Variants in MYO5B observed in about 807,000 individuals in gnomAD.
MYO5B encodes myosin VB, also known as unconventional myosin-Vb.
MYO5B carries 143 observed loss-of-function variants against 229.3 expected under a neutral mutation model. The observed-to-expected ratio is 0.62, with a 90% CI of 0.54 to 0.72. The LOEUF (loss-of-function observed/expected upper bound fraction) is 0.72. MYO5B is among the 30% of genes least tolerant of loss of function. The pLI, the probability that MYO5B is intolerant of heterozygous loss-of-function variation, is 0.00. For missense variants in MYO5B, 2,321 were observed against 2,331.0 expected (o/e 1.00, Z 0.09); for synonymous variants, 918 against 885.2 (o/e 1.04, Z -0.66).
intron 22 of MYO5B, among the ~76,000 whole-genome samples, chr18:49,882,526 G>C (rs891189767): frequency 1.3e-5 from 2 of 148,902 alleles, no homozygotes; most frequent in African/African-American, 4.9e-5. Context: ...TACTTGGGAG[G>C]CCGAAGCAGG....
chr18:49,839,079 G>C, intron 36 of MYO5B, 65 bp downstream of exon 36: 1 of 1,598,364 alleles, frequency 6.3e-7, no homozygotes, highest in Non-Finnish European at 8.5e-7. Context: ...AGAGGGTGCT[G>C]ACCACGCCTT....
intron 1 of MYO5B, among the ~76,000 whole-genome samples, chr18:50,157,481 C>T (rs191748625): frequency 3.9e-5 from 6 of 152,238 alleles, no homozygotes; most frequent in African/African-American, 1.2e-4. Context: ...TCTAACAGTC[C>T]GATCCCTTTG....
rs188378948 is a variant in MYO5B, at chr18:50,011,124, C to T, written c.456-9713G>A. ...TTGGGAGGCCGAGGCAGGCAGATCACGAGGTCAGGAGATCGAGACCATCCT... is the reference window on the plus strand; with the variant it reads ...TTGGGAGGCCGAGGCAGGCAGATCATGAGGTCAGGAGATCGAGACCATCCT... On this transcript the variant is annotated intron_variant, in intron 4 of 39. Coordinates refer to ENST00000285039, the MANE Select transcript of MYO5B (RefSeq NM_001080467.3). Among the ~76,000 whole-genome samples the T allele has an allele frequency of 3.8e-3, 580 of 152,254 alleles. 4 individuals are homozygous for T. The highest frequency in any genetic ancestry group is 5.5e-3 in the Non-Finnish European group (376 of 68,016).
intron 14 of MYO5B, among the ~76,000 whole-genome samples, chr18:49,942,289 T>G (rs991373562): frequency 6.7e-6 from 1 of 149,976 alleles, no homozygotes; most frequent in Non-Finnish European, 1.5e-5. Context: ...AAGGACTTCA[T>G]GTCTAAAACA....
At position 50,053,857 on chromosome 18, in the gene MYO5B, G is replaced by A. The variant is rs2030470210; in HGVS notation, c.138+1411C>T. 1.3e-5 allele frequency among the ~76,000 whole-genome samples: 2 copies of A among 152,200 alleles called. 1 individual carries two copies. The highest frequency in any genetic ancestry group is 4.1e-4 in the South Asian group (2 of 4,828). Reference sequence around the variant, plus strand: ...GGATATGGTACACACTTTTAGTGCTGTTGCCATTCAGAGAGGAAACAGTAT... The same window carrying A: ...GGATATGGTACACACTTTTAGTGCTATTGCCATTCAGAGAGGAAACAGTAT... On this transcript the variant is annotated intron_variant, in intron 2 of 39. Transcript: ENST00000285039.
intron 1 of MYO5B, among the ~76,000 whole-genome samples, chr18:50,183,168 A>T (rs1462539891): frequency 2.0e-5 from 3 of 151,810 alleles, no homozygotes; most frequent in African/African-American, 7.3e-5. Flanking sequence ...TAATAAAATG[A>T]ATACCTGTGA....
At chr18:49,916,374 G>A (rs574873324) in intron 17 of MYO5B, among the ~76,000 whole-genome samples, 1 of 152,286 alleles carries the variant, frequency 6.6e-6, no homozygotes, top group East Asian at 1.9e-4. Flanking sequence ...AGTGCGACTG[G>A]GGCCAGTCCC....
At chr18:50,070,422 G>A (rs2030929178) in intron 1 of MYO5B, among the ~76,000 whole-genome samples, 1 of 151,812 alleles carries the variant, frequency 6.6e-6, no homozygotes, top group South Asian at 2.1e-4. Context: ...TCTGGGGTGG[G>A]GGACAAAACT....
intron 4 of MYO5B, among the ~76,000 whole-genome samples, chr18:50,008,904 G>T (rs1477982430): frequency 6.6e-6 from 1 of 152,100 alleles, no homozygotes; most frequent in Admixed American, 6.5e-5. Flanking sequence ...CCAAAACACA[G>T]ATCACCGACA....
intron 1 of MYO5B, among the ~76,000 whole-genome samples, chr18:50,081,225 G>T (rs1274124011): frequency 6.6e-6 from 1 of 152,162 alleles, no homozygotes; most frequent in African/African-American, 2.4e-5. Context: ...GCAGCCCTCA[G>T]AATGAATTAT....
chr18:50,067,241 CTG>C (rs761426726), intron 1 of MYO5B, among the ~76,000 whole-genome samples: 57 of 152,326 alleles, frequency 3.7e-4, no homozygotes, highest in Admixed American at 7.2e-4. Context: ...AGAGCTGTCA[CTG>C]TGAAAACCAT....
chr18:49,986,477 G>A (rs765831148), intron 7 of MYO5B, among the ~76,000 whole-genome samples: 4 of 152,240 alleles, frequency 2.6e-5, no homozygotes, highest in Non-Finnish European at 4.4e-5. Context: ...TACTCTATGA[G>A]TGAAGGTTTC....
chr18:49,844,771 G>T, intron 33 of MYO5B, among the ~76,000 whole-genome samples: 1 of 152,236 alleles, frequency 6.6e-6, no homozygotes, highest in South Asian at 2.1e-4. Context: ...CTTCAAACCT[G>T]ATCCATGTGC....
Position 49,863,298 on chromosome 18 carries a change from C to T in MYO5B, c.3873G>A (p.Trp1291Ter), listed in dbSNP as rs1402652492. 2 of 1,613,758 alleles carry T rather than the reference C, an allele frequency of 1.2e-6. No individual in the cohort carries two copies. Among genetic ancestry groups the T allele is most frequent in the Admixed American group, 3.3e-5 (2 of 60,026 alleles). The change falls in exon 29 of 40, where the codon TGG becomes TGA. Residue 1291 changes from tryptophan (W) to a stop codon, truncating the protein, a stop_gained. Coordinates refer to ENST00000285039, the MANE Select transcript of MYO5B (RefSeq NM_001080467.3). LOFTEE classifies it high-confidence loss of function. ...GGTCAACATGCTTTTCACTGTTAGG[C>T]CAACTTGATCTGGCATTAATGTTCG... ...AEPNINARSS[W>*]PNSEKHVDQE...
chr18:50,000,403 G>T (rs1169613055), intron 5 of MYO5B, among the ~76,000 whole-genome samples: 1 of 152,194 alleles, frequency 6.6e-6, no homozygotes, highest in Non-Finnish European at 1.5e-5. Context: ...ACTGCCCAGG[G>T]CTGGCAGAAA....
chr18:50,149,257 G>T (rs1192991938), intron 1 of MYO5B, among the ~76,000 whole-genome samples: 1 of 151,826 alleles, frequency 6.6e-6, no homozygotes, highest in East Asian at 1.9e-4. Flanking sequence ...TGGCCATACT[G>T]CCCAAGGTAA....
chr18:50,175,584 C>T (rs1196316713), intron 1 of MYO5B, among the ~76,000 whole-genome samples: 2 of 152,216 alleles, frequency 1.3e-5, no homozygotes, highest in Non-Finnish European at 2.9e-5. Flanking sequence ...TGACTTACTC[C>T]TTCCTCCTTT....
At chr18:49,974,982 A>G (rs757204374) in intron 9 of MYO5B, among the ~76,000 whole-genome samples, 1 of 152,182 alleles carries the variant, frequency 6.6e-6, no homozygotes, top group Non-Finnish European at 1.5e-5. Context: ...GTAACTGGTA[A>G]GAGGCAGGTC....
chr18:49,876,838 T>A (rs1384071104), intron 25 of MYO5B, among the ~76,000 whole-genome samples: 2 of 152,220 alleles, frequency 1.3e-5, no homozygotes, highest in Admixed American at 1.3e-4. Flanking sequence ...TCTGGGGACC[T>A]CCTTCTCTCC....
Sources: gnomAD v4.1 joint callset for allele counts (sites outside exome capture counted in the v4.1 genomes callset) on GRCh38, gnomAD v4.1.1 for gene constraint, MANE v1.5 for transcripts, NCBI Gene and HGNC (gene_info 2026-07-23, HGNC 2026-07-21) for gene names.